OR1J2: variants seen among roughly 807,000 people sequenced by gnomAD.
OR1J2 encodes olfactory receptor family 1 subfamily J member 2.
For missense variants in OR1J2, 304 were observed against 246.1 expected (o/e 1.24, Z -1.57); for synonymous variants, 142 against 99.7 (o/e 1.42, Z -2.52).
the OR1J2 span, among the ~76,000 whole-genome samples, chr9:122,556,482 G>C: frequency 6.6e-6 from 1 of 151,952 alleles, no homozygotes; most frequent in Non-Finnish European, 1.5e-5. Flanking sequence ...AATTACTGCA[G>C]GCTTACAGTA....
chr9:122,531,393 C>T, the OR1J2 span, among the ~76,000 whole-genome samples: 3 of 152,066 alleles, frequency 2.0e-5, no homozygotes, highest in South Asian at 2.1e-4. Flanking sequence ...AAGAGCAGGG[C>T]GTGTATGAGT....
the OR1J2 span, among the ~76,000 whole-genome samples, chr9:122,541,831 C>A: frequency 2.6e-5 from 4 of 152,136 alleles, no homozygotes; most frequent in African/African-American, 9.7e-5. Flanking sequence ...CATCAGTTTC[C>A]ACAAATGTTA....
the OR1J2 span, among the ~76,000 whole-genome samples, chr9:122,451,793 A>G: frequency 2.0e-5 from 3 of 152,090 alleles, no homozygotes; most frequent in Non-Finnish European, 4.4e-5. Flanking sequence ...ATTTCCCATA[A>G]CTGGTGTAAT....
the OR1J2 span, chr9:122,519,258 C>A: frequency 6.2e-7 from 1 of 1,613,974 alleles, no homozygotes; most frequent in South Asian, 1.1e-5. Context: ...GATCACGGTG[C>A]TGGGGAACCT....
chr9:122,521,252 A>G, the OR1J2 span, among the ~76,000 whole-genome samples: 1 of 152,210 alleles, frequency 6.6e-6, no homozygotes, highest in African/African-American at 2.4e-5. Context: ...TTTGAAGCAG[A>G]ACTTGTGCAG....
chr9:122,462,882 A>G, the OR1J2 span, among the ~76,000 whole-genome samples: 1 of 152,208 alleles, frequency 6.6e-6, no homozygotes, highest in Admixed American at 6.5e-5. Flanking sequence ...GACCTTAGAT[A>G]ACTTCATGAC....
At chr9:122,548,866 T>C in the OR1J2 span, among the ~76,000 whole-genome samples, 2 of 151,606 alleles carry the variant, frequency 1.3e-5, no homozygotes, top group East Asian at 3.9e-4. Context: ...TTCTGAACAT[T>C]AGTCTTCTGT....
the OR1J2 span, chr9:122,520,112 T>C: frequency 2.0e-6 from 3 of 1,512,822 alleles, no homozygotes; most frequent in Admixed American, 3.5e-5. Flanking sequence ...CAGACATATG[T>C]ACTGACCTAT....
At chr9:122,483,445 C>T in the OR1J2 span, among the ~76,000 whole-genome samples, 40,609 of 151,978 alleles carry the variant, frequency 0.27, 5,848 homozygotes, top group African/African-American at 0.36. Flanking sequence ...CCATATGTGT[C>T]TACATAGATA....
the OR1J2 span, chr9:122,553,411 C>T: frequency 6.2e-7 from 1 of 1,614,136 alleles, no homozygotes; most frequent in Non-Finnish European, 8.5e-7. Flanking sequence ...TTCTTTCTGG[C>T]CAACCTGTCA....
At chr9:122,458,933 A>G in the OR1J2 span, among the ~76,000 whole-genome samples, 1 of 148,206 alleles carries the variant, frequency 6.7e-6, no homozygotes, top group East Asian at 2.0e-4. Context: ...CTCATTTTTC[A>G]TTCTTATTTC....
At chr9:122,508,104 G>A (rs1387287096), upstream of OR1J2, among the ~76,000 whole-genome samples, 1 of 150,452 alleles carries the variant, frequency 6.6e-6, no homozygotes, top group East Asian at 1.9e-4. Context: ...CAGAGAGGGA[G>A]GGAAGGAGGG....
chr9:122,568,523 C>A, the OR1J2 span: 3 of 1,144,022 alleles, frequency 2.6e-6, no homozygotes, highest in Non-Finnish European at 3.8e-6. Context: ...ATTTAACATG[C>A]TCTGATTTCA....
chr9:122,455,174 C>T, the OR1J2 span, among the ~76,000 whole-genome samples: 4 of 152,196 alleles, frequency 2.6e-5, no homozygotes, highest in East Asian at 1.9e-4. Context: ...AGTGCTGGTA[C>T]GAACATTTGG....
chr9:122,449,191 G>A, the OR1J2 span, among the ~76,000 whole-genome samples: 17 of 152,010 alleles, frequency 1.1e-4, no homozygotes, highest in Admixed American at 5.2e-4. Context: ...CAACAGCACC[G>A]TGGAGGCCTT....
the OR1J2 span, among the ~76,000 whole-genome samples, chr9:122,457,415 A>C: frequency 3.3e-5 from 5 of 152,142 alleles, no homozygotes; most frequent in Non-Finnish European, 5.9e-5. Flanking sequence ...CAAAGAAACT[A>C]CTACTACCGA....
chr9:122,573,144 G>A, the OR1J2 span, among the ~76,000 whole-genome samples: 1 of 152,206 alleles, frequency 6.6e-6, no homozygotes, highest in Non-Finnish European at 1.5e-5. Context: ...TGGCCTCTGT[G>A]ATCCTTGTTA....
the OR1J2 span, among the ~76,000 whole-genome samples, chr9:122,473,723 C>G: frequency 2.6e-5 from 4 of 152,124 alleles, no homozygotes; most frequent in Non-Finnish European, 5.9e-5. Context: ...CTTACTATAT[C>G]AAAGGGTTAA....
chr9:122,503,237 A>G, the OR1J2 span, among the ~76,000 whole-genome samples: 13 of 152,326 alleles, frequency 8.5e-5, no homozygotes, highest in East Asian at 2.5e-3. Context: ...GAAAATCCAA[A>G]ACAAGAGTAT....
Sources: gnomAD v4.1 joint callset for allele counts (sites outside exome capture counted in the v4.1 genomes callset) on GRCh38, gnomAD v4.1.1 for gene constraint, MANE v1.5 for transcripts, NCBI Gene and HGNC (gene_info 2026-07-23, HGNC 2026-07-21) for gene names.